CNTRL: variants seen among roughly 807,000 people sequenced by gnomAD.
CNTRL encodes 110 kDa centrosomal protein.
A neutral mutation model predicts 303.7 loss-of-function variants in CNTRL; 233 were observed. That is an observed-to-expected ratio of 0.77 (90% CI 0.69 to 0.86). CNTRL has a LOEUF of 0.86. Ranked by LOEUF, CNTRL falls within the 40% of genes least tolerant of loss-of-function variation. The probability of loss-of-function intolerance (pLI) is 0.00; values close to 1 mark genes in which losing one functional copy is unlikely to be tolerated. For missense variants in CNTRL, 2,524 were observed against 2,650.6 expected, an observed-to-expected ratio of 0.95 and a Z score of 1.05; for synonymous variants, 900 against 922.2, an observed-to-expected ratio of 0.98 and a Z score of 0.44.
chr9:121,129,589 ATT>A (rs770250243), intron 14 of CNTRL, among the ~76,000 whole-genome samples: 1 of 152,190 alleles, frequency 6.6e-6, no homozygotes, highest in African/African-American at 2.4e-5. Context: ...AACTGAGACA[ATT>A]TGACTTCCTC....
chr9:121,142,833 C>T (rs547195980), intron 19 of CNTRL, among the ~76,000 whole-genome samples: 3 of 152,210 alleles, frequency 2.0e-5, no homozygotes, highest in Non-Finnish European at 4.4e-5. Flanking sequence ...TTAGCCTCAC[C>T]CCCACCTTTG....
chr9:121,113,004 T>C (rs1179620572), intron 9 of CNTRL, among the ~76,000 whole-genome samples: 4 of 152,202 alleles, frequency 2.6e-5, no homozygotes, highest in African/African-American at 7.2e-5. Flanking sequence ...TAAATGTCAC[T>C]GCAAGTGAGG....
chr9:121,169,216 T>C (rs2053210542), intron 38 of CNTRL, among the ~76,000 whole-genome samples: 1 of 152,206 alleles, frequency 6.6e-6, no homozygotes, highest in South Asian at 2.1e-4. Flanking sequence ...CCTGTGCACT[T>C]TCCACTGCAC....
Position 121,171,513 on chromosome 9 carries a change from CA to C in CNTRL, c.6383del (p.Gln2128ArgfsTer30). On this transcript the variant is annotated frameshift_variant, in exon 40 of 44. Transcript: ENST00000373855. LOFTEE classifies it high-confidence loss of function. ...RARRLMKELNQMQYEYTELKK... is the reference protein window; with the variant it reads ...RARRLMKELNXMQYEYTELKK... ...CAGGCGCCTGATGAAGGAGCTCAAC[CA>C]GATGCAGTATGAGTACACGGAGCTC... 2 of 1,613,964 alleles carry C rather than the reference CA, an allele frequency of 1.2e-6. No homozygotes were observed. Among genetic ancestry groups the C allele is most frequent in the East Asian group, 4.5e-5 (2 of 44,842 alleles).
chr9:121,161,133 A>AGT (rs139754979), intron 32 of CNTRL: 231,271 of 345,534 alleles, frequency 0.67, 77,008 homozygotes, highest in East Asian at 0.93. Context: ...AATGTGTGAG[A>AGT]GTGTGTGTGT....
At chr9:121,100,650 G>A (rs113834716) in intron 7 of CNTRL, among the ~76,000 whole-genome samples, 3 of 152,154 alleles carry the variant, frequency 2.0e-5, no homozygotes, top group African/African-American at 2.4e-5. Flanking sequence ...TCTGTGTGCT[G>A]TATTCAGGAG....
chr9:121,144,403 T>C (rs903421971), intron 20 of CNTRL, among the ~76,000 whole-genome samples: 4 of 152,196 alleles, frequency 2.6e-5, no homozygotes, highest in Non-Finnish European at 4.4e-5. Flanking sequence ...AGGATTGTTA[T>C]ATAATCCCTC....
chr9:121,129,444 T>C (rs2050729763), intron 14 of CNTRL, among the ~76,000 whole-genome samples: 1 of 152,048 alleles, frequency 6.6e-6, no homozygotes, highest in Admixed American at 6.5e-5. Flanking sequence ...CTGTCTATTA[T>C]TGGTGTATAG....
chr9:121,149,622 G>A (rs959448431), intron 24 of CNTRL, among the ~76,000 whole-genome samples: 2 of 152,072 alleles, frequency 1.3e-5, no homozygotes, highest in Non-Finnish European at 2.9e-5. Flanking sequence ...AGACAGGCTG[G>A]TCTCGAACTC....
chr9:121,174,840 G>A (rs1473120475), intron 42 of CNTRL, among the ~76,000 whole-genome samples, 178 bp from the exon 43 acceptor site: 1 of 152,032 alleles, frequency 6.6e-6, no homozygotes, highest in Non-Finnish European at 1.5e-5. Flanking sequence ...AAAAGTAAAG[G>A]TTTATGCACA....
At chr9:121,129,904 G>T (rs1383905639) in intron 14 of CNTRL, among the ~76,000 whole-genome samples, 2 of 152,192 alleles carry the variant, frequency 1.3e-5, no homozygotes, top group African/African-American at 4.8e-5. Flanking sequence ...TGTGGTTTTT[G>T]TCATTAGTTC....
At chr9:121,102,791 A>G (rs2049249790) in intron 7 of CNTRL, among the ~76,000 whole-genome samples, 1 of 152,210 alleles carries the variant, frequency 6.6e-6, no homozygotes, top group African/African-American at 2.4e-5. Flanking sequence ...GTGAACTCCC[A>G]TTCACAATTG....
intron 25 of CNTRL, among the ~76,000 whole-genome samples, chr9:121,151,875 G>C (rs1205805628): frequency 6.6e-6 from 1 of 152,210 alleles, no homozygotes; most frequent in African/African-American, 2.4e-5. Context: ...TAGAGGGTCT[G>C]TGTGCATTTA....
intron 8 of CNTRL, among the ~76,000 whole-genome samples, chr9:121,111,461 A>G (rs1172643486): frequency 2.0e-5 from 3 of 152,168 alleles, no homozygotes; most frequent in African/African-American, 7.2e-5. Flanking sequence ...ACTGTGAGCT[A>G]AATCATGCAC....
In CNTRL at chr9:121,144,072, A is replaced by C; in HGVS notation, c.3041A>C (p.Glu1014Ala). The stretch of plus-strand genomic sequence containing the variant: ...GGAACTGTTATGAAAATTAACCAGG[A>C]GCGAGCAGAGGTGAGTTCACATGTA... ...LHGTVMKINQ[E>A]RAEELQEAER... Residue 1014 changes from glutamate (E) to alanine (A), a missense_variant, in exon 20 of 44, where the codon GAG (glutamate) becomes GCG (alanine). Physicochemically the swap from Glu to Ala is moderately radical, Grantham distance 107. Transcript: ENST00000373855. 6.2e-7 allele frequency: 1 copy of C among 1,609,582 alleles called. No individual in the cohort carries two copies. The highest frequency in any genetic ancestry group is 1.3e-5 in the African/African-American group (1 of 74,658).
intron 43 of CNTRL, 65 bp downstream of exon 43, chr9:121,175,289 C>T (rs1564312065): frequency 5.5e-6 from 8 of 1,463,704 alleles, no homozygotes; most frequent in Non-Finnish European, 7.6e-6. Context: ...TTTTTTGAGA[C>T]AAGGTCTTGC....
chr9:121,139,323 A>G (rs549346085), intron 16 of CNTRL, among the ~76,000 whole-genome samples: 1 of 152,276 alleles, frequency 6.6e-6, no homozygotes, highest in East Asian at 1.9e-4. Flanking sequence ...CAGTTCTCCA[A>G]ATCTGTGAGG....
chr9:121,123,741 A>G (rs776619379), intron 12 of CNTRL, among the ~76,000 whole-genome samples, 190 bp from the exon 13 acceptor site: 50 of 152,234 alleles, frequency 3.3e-4, no homozygotes, highest in Admixed American at 1.2e-3. Context: ...AGTGGAAATG[A>G]TTTCCGTATC....
chr9:121,131,737 T>G (rs952790977), intron 14 of CNTRL, among the ~76,000 whole-genome samples: 2 of 152,344 alleles, frequency 1.3e-5, no homozygotes, highest in Non-Finnish European at 2.9e-5. Context: ...TTGATGGTCT[T>G]TACAATTTGG....
Sources: allele counts gnomAD v4.1 joint callset (sites outside exome capture counted in the v4.1 genomes callset), GRCh38; gene constraint gnomAD v4.1.1; transcripts MANE v1.5; gene names NCBI Gene and HGNC (gene_info 2026-07-23, HGNC 2026-07-21).